ARHGAP15: variants seen among roughly 807,000 people sequenced by gnomAD.
ARHGAP15 encodes the protein Rho GTPase activating protein 15.
In ARHGAP15, 51 loss-of-function variants were observed where a neutral mutation model predicts 63.7. The observed-to-expected ratio is 0.80, with a 90% CI of 0.64 to 1.01. The LOEUF is 1.01. ARHGAP15 is among the 50% of genes least tolerant of loss of function. ARHGAP15 has a pLI of 0.00. For missense variants in ARHGAP15, 560 were observed against 564.6 expected (o/e 0.99, Z 0.08); for synonymous variants, 191 against 193.8 (o/e 0.99, Z 0.12).
intron 9 of ARHGAP15, among the ~76,000 whole-genome samples, chr2:143,516,945 G>A (rs1428282830): frequency 1.3e-5 from 2 of 150,872 alleles, no homozygotes; most frequent in African/African-American, 2.5e-5. Flanking sequence ...GTTTTTGTTT[G>A]TTGTTGTTGT....
chr2:143,560,105 C>T (rs1695961011), intron 11 of ARHGAP15, among the ~76,000 whole-genome samples: 1 of 152,182 alleles, frequency 6.6e-6, no homozygotes, highest in Non-Finnish European at 1.5e-5. Flanking sequence ...ATTCTAAATA[C>T]ACCAGTTGAA....
At chr2:143,426,568 G>C (rs12105734) in intron 6 of ARHGAP15, among the ~76,000 whole-genome samples, 15,081 of 152,132 alleles carry the variant, frequency 0.099, 961 homozygotes, top group Middle Eastern at 0.15. Flanking sequence ...TTTCAGCTCT[G>C]TCATCACATA....
intron 1 of ARHGAP15, among the ~76,000 whole-genome samples, chr2:143,130,408 A>T (rs1688874825): frequency 6.6e-6 from 1 of 152,100 alleles, no homozygotes; most frequent in African/African-American, 2.4e-5. Flanking sequence ...AAGAATTTTA[A>T]TAACAGCCCA....
intron 12 of ARHGAP15, chr2:143,676,529 G>A (rs1250972611): frequency 6.6e-6 from 1 of 152,138 alleles, no homozygotes; most frequent in Non-Finnish European, 1.5e-5. Context: ...GTCATTGTAG[G>A]TTTTTTCATT....
chr2:143,417,310 T>C (rs1354756399), intron 6 of ARHGAP15, among the ~76,000 whole-genome samples: 1 of 152,196 alleles, frequency 6.6e-6, no homozygotes, highest in African/African-American at 2.4e-5. Context: ...ATACCACACA[T>C]GCTTATGCAT....
At chr2:143,674,287 G>A (rs1682716190) in intron 12 of ARHGAP15, among the ~76,000 whole-genome samples, 2 of 152,082 alleles carry the variant, frequency 1.3e-5, no homozygotes, top group Non-Finnish European at 2.9e-5. Context: ...ATTACACAGA[G>A]CACTCAAAAA....
chr2:143,630,686 C>T (rs951221), intron 12 of ARHGAP15, among the ~76,000 whole-genome samples: 1 of 152,028 alleles, frequency 6.6e-6, no homozygotes, highest in Non-Finnish European at 1.5e-5. Flanking sequence ...GCCTAAACCT[C>T]GTTTTCTTGT....
chr2:143,599,577 C>T (rs975934648), intron 11 of ARHGAP15, among the ~76,000 whole-genome samples: 39 of 151,954 alleles, frequency 2.6e-4, no homozygotes, highest in Non-Finnish European at 2.4e-4. Flanking sequence ...TAAAACACAA[C>T]GAAAATATTG....
chr2:143,335,001 G>C (rs1334679114), intron 6 of ARHGAP15, among the ~76,000 whole-genome samples: 2 of 152,198 alleles, frequency 1.3e-5, no homozygotes, highest in Admixed American at 1.3e-4. Flanking sequence ...TCCATAGTGA[G>C]TTTTTATAAT....
At chr2:143,672,766 C>G (rs1468242515) in intron 12 of ARHGAP15, among the ~76,000 whole-genome samples, 1 of 152,008 alleles carries the variant, frequency 6.6e-6, no homozygotes, top group Non-Finnish European at 1.5e-5. Context: ...TAGAGATATC[C>G]AAAGACAATG....
intron 6 of ARHGAP15, among the ~76,000 whole-genome samples, chr2:143,420,259 C>T (rs960766544): frequency 5.3e-5 from 8 of 151,976 alleles, no homozygotes; most frequent in Admixed American, 1.3e-4. Flanking sequence ...TTTGAGCCTG[C>T]AAATTTTGGA....
At chr2:143,706,510 G>A (rs1684334017) in intron 13 of ARHGAP15, 1 of 152,078 alleles carries the variant, frequency 6.6e-6, no homozygotes, top group Admixed American at 6.6e-5. Context: ...TTTTTGCAGA[G>A]CTCTGAGTTA....
intron 6 of ARHGAP15, among the ~76,000 whole-genome samples, chr2:143,330,094 C>CAAAAAAAAAAAAACA (rs1684445402): frequency 1.2e-3 from 2 of 1,688 alleles, no homozygotes; most frequent in African/African-American, 1.6e-3. Flanking sequence ...GGCTCTGTCT[C>CAAAAAAAAAAAAACA]AAAAAAAAAA....
At chr2:143,165,809 G>A (rs575027529) in intron 2 of ARHGAP15, among the ~76,000 whole-genome samples, 25 of 151,966 alleles carry the variant, frequency 1.6e-4, no homozygotes, top group African/African-American at 5.8e-4. Context: ...ACCTTTCATG[G>A]CAACTTCCTC....
At chr2:143,369,079 A>G (rs1474444680) in intron 6 of ARHGAP15, among the ~76,000 whole-genome samples, 1 of 152,168 alleles carries the variant, frequency 6.6e-6, no homozygotes, top group Non-Finnish European at 1.5e-5. Flanking sequence ...AAAATATTGC[A>G]CAGACATTCA....
chr2:143,629,619 C>G (rs1698984418), intron 12 of ARHGAP15, among the ~76,000 whole-genome samples: 2 of 151,962 alleles, frequency 1.3e-5, no homozygotes, highest in Non-Finnish European at 2.9e-5. Flanking sequence ...CTCTACAGAT[C>G]CAAAGAAAAA....
At chr2:143,724,482 T>C (rs1308812481) in intron 13 of ARHGAP15, among the ~76,000 whole-genome samples, 1 of 152,198 alleles carries the variant, frequency 6.6e-6, no homozygotes, top group African/African-American at 2.4e-5. Context: ...AAATTGTAAT[T>C]AATCCTTCCT....
At chr2:143,689,686 C>T (rs1007874965) in intron 12 of ARHGAP15, among the ~76,000 whole-genome samples, 1 of 152,124 alleles carries the variant, frequency 6.6e-6, no homozygotes, top group Non-Finnish European at 1.5e-5. Flanking sequence ...TTTCTCCCAC[C>T]CTAATTCCTT....
intron 13 of ARHGAP15, among the ~76,000 whole-genome samples, chr2:143,726,464 T>C (rs926460515): frequency 2.0e-5 from 3 of 151,878 alleles, no homozygotes; most frequent in African/African-American, 7.3e-5. Flanking sequence ...TGAATGATAC[T>C]GAGAGCCTGG....
Sources: allele counts gnomAD v4.1 joint callset (sites outside exome capture counted in the v4.1 genomes callset), GRCh38; gene constraint gnomAD v4.1.1; transcripts MANE v1.5; gene names NCBI Gene and HGNC (gene_info 2026-07-23, HGNC 2026-07-21).